Variants in MDGA2 observed in about 807,000 individuals in gnomAD.
MDGA2 encodes MAM domain-containing glycosylphosphatidylinositol anchor protein 2.
MDGA2 carries 40 observed loss-of-function variants against 117.8 expected under a neutral mutation model. The observed-to-expected ratio is 0.34, with a 90% CI of 0.26 to 0.44. MDGA2 has a LOEUF of 0.44. Among genes scored for constraint, MDGA2 ranks in the 20% least tolerant of loss-of-function variants. The pLI is 1.00. For synonymous variants in MDGA2, 452 were observed against 439.0 expected, an observed-to-expected ratio of 1.03 and a Z score of -0.37; for missense variants, 1,123 against 1,250.6, an observed-to-expected ratio of 0.90 and a Z score of 1.54.
At chr14:47,560,173 T>C (rs1195491383) in intron 1 of MDGA2, among the ~76,000 whole-genome samples, 2 of 151,854 alleles carry the variant, frequency 1.3e-5, no homozygotes, top group Admixed American at 1.3e-4. Context: ...GTTCACGCCA[T>C]TCTCCTGCGT....
intron 5 of MDGA2, among the ~76,000 whole-genome samples, chr14:47,107,341 ATTG>A (rs1880761771): frequency 6.6e-6 from 1 of 151,980 alleles, no homozygotes; most frequent in Non-Finnish European, 1.5e-5. Flanking sequence ...TATCAACCAA[ATTG>A]TTGTGCCTAT....
At chr14:46,911,305 T>C (rs1471157580) in intron 10 of MDGA2, among the ~76,000 whole-genome samples, 2 of 152,226 alleles carry the variant, frequency 1.3e-5, no homozygotes, top group Non-Finnish European at 2.9e-5. Context: ...CATTTCTTTC[T>C]TGAACATTTT....
intron 1 of MDGA2, among the ~76,000 whole-genome samples, chr14:47,561,688 T>C (rs1594918612): frequency 6.6e-6 from 1 of 152,188 alleles, no homozygotes; most frequent in Non-Finnish European, 1.5e-5. Flanking sequence ...ATAGTTTGAC[T>C]TCCTCTCTTC....
At position 47,222,678 on chromosome 14, in the gene MDGA2, G is replaced by A. The variant is rs533761934; in HGVS notation, c.421-4483C>T. On this transcript the variant is annotated intron_variant, in intron 2 of 16. Transcript: ENST00000399232. Reference sequence around the variant, plus strand: ...TGTCCATTAAATATTTACAAAAATTGATCATGTAGTTGATAGCAAAGTAAA... The same window carrying A: ...TGTCCATTAAATATTTACAAAAATTAATCATGTAGTTGATAGCAAAGTAAA... Among the ~76,000 whole-genome samples, 20 of 152,054 alleles carry A rather than the reference G, an allele frequency of 1.3e-4. No individual in the cohort carries two copies. The East Asian group carries it at 3.7e-3, about 28-fold the overall frequency.
intron 6 of MDGA2, among the ~76,000 whole-genome samples, chr14:47,072,862 C>T (rs1890344544): frequency 6.6e-6 from 1 of 152,080 alleles, no homozygotes; most frequent in Non-Finnish European, 1.5e-5. Flanking sequence ...CTAAAAAGTG[C>T]CATAGCATAT....
At chr14:47,227,368 C>T (rs1440489011) in intron 2 of MDGA2, among the ~76,000 whole-genome samples, 1 of 152,120 alleles carries the variant, frequency 6.6e-6, no homozygotes, top group African/African-American at 2.4e-5. Context: ...ATAATTTACA[C>T]CCCAATTTAT....
In MDGA2 at chr14:47,452,340, G is replaced by C. The variant is rs1228053995; in HGVS notation, c.281-150790C>G. The stretch of plus-strand genomic sequence containing the variant: ...TATTACTTGAATACAGAAGAAACTT[G>C]AATGTGAATAAAGGTAACAATGAAT... On this transcript the variant is annotated intron_variant, in intron 1 of 16. Coordinates refer to ENST00000399232, the MANE Select transcript of MDGA2 (RefSeq NM_001113498.3). Among the ~76,000 whole-genome samples, 3 of 152,180 alleles carry C rather than the reference G, an allele frequency of 2.0e-5. No homozygotes were observed. In the East Asian group the frequency reaches 5.8e-4, roughly 29 times the overall value.
chr14:47,127,672 T>C (rs1401572276), intron 5 of MDGA2, among the ~76,000 whole-genome samples: 1 of 152,150 alleles, frequency 6.6e-6, no homozygotes, highest in Admixed American at 6.6e-5. Flanking sequence ...GTTTGCCCAG[T>C]CTAGATACAT....
chr14:47,439,339 ATGTG>A (rs1490339934), intron 1 of MDGA2, among the ~76,000 whole-genome samples: 2 of 151,868 alleles, frequency 1.3e-5, no homozygotes, highest in Admixed American at 1.3e-4. Context: ...TTGTGTGTGT[ATGTG>A]TGTGTATGTT....
At chr14:46,912,704 C>A (rs1883752705) in intron 10 of MDGA2, among the ~76,000 whole-genome samples, 1 of 152,138 alleles carries the variant, frequency 6.6e-6, no homozygotes, top group Non-Finnish European at 1.5e-5. Context: ...TACAAAGGCA[C>A]CAGACTCAGA....
chr14:47,137,707 TG>T (rs1882524914), intron 4 of MDGA2, among the ~76,000 whole-genome samples: 1 of 152,066 alleles, frequency 6.6e-6, no homozygotes, highest in Non-Finnish European at 1.5e-5. Context: ...TGTTCCTATA[TG>T]GCAACACAAA....
intron 2 of MDGA2, among the ~76,000 whole-genome samples, chr14:47,280,778 A>G (rs1175549871): frequency 2.0e-5 from 3 of 151,992 alleles, no homozygotes; most frequent in Non-Finnish European, 4.4e-5. Flanking sequence ...TTTGCCATTT[A>G]TAGTTCCCCT....
intron 3 of MDGA2, among the ~76,000 whole-genome samples, chr14:47,208,794 C>T (rs985408696): frequency 6.6e-6 from 1 of 151,608 alleles, no homozygotes; most frequent in Admixed American, 6.6e-5. Context: ...TTTTAAATGA[C>T]CAAATTTATA....
At chr14:46,907,211 C>T (rs533893227) in intron 10 of MDGA2, among the ~76,000 whole-genome samples, 1 of 152,180 alleles carries the variant, frequency 6.6e-6, no homozygotes, top group East Asian at 1.9e-4. Context: ...CTCCTGACCT[C>T]GGGTGATCCT....
intron 1 of MDGA2, among the ~76,000 whole-genome samples, chr14:47,538,155 T>C (rs1895261993): frequency 6.6e-6 from 1 of 152,210 alleles, no homozygotes; most frequent in African/African-American, 2.4e-5. Context: ...ATGTATGATG[T>C]TTCGAATCTG....
intron 2 of MDGA2, among the ~76,000 whole-genome samples, chr14:47,225,382 T>A (rs1007896571): frequency 6.6e-6 from 1 of 151,674 alleles, no homozygotes; most frequent in South Asian, 2.1e-4. Context: ...TGCGGCACTA[T>A]TCACAATAGC....
At chr14:47,465,897 C>G (rs1203004021) in intron 1 of MDGA2, among the ~76,000 whole-genome samples, 2 of 152,130 alleles carry the variant, frequency 1.3e-5, no homozygotes, top group African/African-American at 4.8e-5. Flanking sequence ...CATTGCAGCA[C>G]TATTCACAAT....
intron 7 of MDGA2, among the ~76,000 whole-genome samples, chr14:47,052,740 G>C (rs1023122930): frequency 1.3e-5 from 2 of 151,788 alleles, no homozygotes; most frequent in Admixed American, 1.3e-4. Context: ...TCATATAATT[G>C]TCACCTTCTA....
chr14:47,315,594 C>G (rs1195372134), intron 1 of MDGA2, among the ~76,000 whole-genome samples: 1 of 152,022 alleles, frequency 6.6e-6, no homozygotes, highest in Non-Finnish European at 1.5e-5. Context: ...TCAACAGCTT[C>G]TTGCACTCTT....
Sources: gnomAD v4.1 joint callset for allele counts (sites outside exome capture counted in the v4.1 genomes callset) on GRCh38, gnomAD v4.1.1 for gene constraint, MANE v1.5 for transcripts, NCBI Gene and HGNC (gene_info 2026-07-23, HGNC 2026-07-21) for gene names.